Variants in ABLIM3 observed in about 807,000 individuals in gnomAD.
ABLIM3 encodes actin binding LIM protein family member 3.
ABLIM3 carries 61 observed loss-of-function variants against 109.5 expected under a neutral mutation model. That is an observed-to-expected ratio of 0.56 (90% CI 0.45 to 0.69). ABLIM3 has a LOEUF of 0.69. Among genes scored for constraint, ABLIM3 ranks in the 30% least tolerant of loss-of-function variants. The pLI is 0.00. For synonymous variants in ABLIM3, 300 were observed against 324.8 expected, an observed-to-expected ratio of 0.92 and a Z score of 0.82; for missense variants, 796 against 889.5, an observed-to-expected ratio of 0.89 and a Z score of 1.34.
chr5:149,223,198 A>G (rs1760836310), intron 8 of ABLIM3, among the ~76,000 whole-genome samples: 1 of 152,048 alleles, frequency 6.6e-6, no homozygotes, highest in South Asian at 2.1e-4. Flanking sequence ...GTAGTAGCTT[A>G]AGGTTTGTAT....
At chr5:149,192,632 A>C (rs1262570843) in intron 3 of ABLIM3, among the ~76,000 whole-genome samples, 1 of 146,120 alleles carries the variant, frequency 6.8e-6, no homozygotes, top group African/African-American at 2.5e-5. Flanking sequence ...CTCAAAAAAA[A>C]AAAAGAAAAA....
chr5:149,141,846 G>C (rs538631910), intron 1 of ABLIM3, 163 bp from the exon 2 acceptor site: 5 of 566,784 alleles, frequency 8.8e-6, no homozygotes, highest in Non-Finnish European at 1.6e-5. Context: ...GAGGACCGGG[G>C]CGCCGGTGTC....
intron 22 of ABLIM3, chr5:149,252,478 C>G (rs977086315): frequency 7.3e-6 from 4 of 550,730 alleles, no homozygotes; most frequent in Admixed American, 3.3e-5. Flanking sequence ...TAGACACTTA[C>G]ATTCGGGAGG....
chr5:149,172,254 GAAAAT>G (rs1422136256), intron 2 of ABLIM3, among the ~76,000 whole-genome samples: 2 of 152,104 alleles, frequency 1.3e-5, no homozygotes, highest in East Asian at 3.8e-4. Flanking sequence ...AATAAAAAAA[GAAAAT>G]AAAATATCAG....
chr5:149,249,512 G>A (rs1753729457), intron 18 of ABLIM3, among the ~76,000 whole-genome samples: 1 of 152,216 alleles, frequency 6.6e-6, no homozygotes, highest in Non-Finnish European at 1.5e-5. Context: ...CCTGGCTGCG[G>A]GGTCTGTGCA....
intron 15 of ABLIM3, chr5:149,244,349 G>A (rs564714580): frequency 1.2e-3 from 192 of 156,712 alleles, no homozygotes; most frequent in Middle Eastern, 6.7e-3. Flanking sequence ...GCTGGGACCA[G>A]AACCCAGGTT....
intron 2 of ABLIM3, among the ~76,000 whole-genome samples, chr5:149,179,190 G>A (rs1756241579): frequency 6.6e-6 from 1 of 152,106 alleles, no homozygotes; most frequent in Admixed American, 6.6e-5. Context: ...ATTTAGTTGT[G>A]GAATTAAGAT....
rs1752500106 is a variant in ABLIM3 at position 149,142,021 on chromosome 5, G to T, written c.-75G>T. 11 of 1,611,664 alleles carry T rather than the reference G, an allele frequency of 6.8e-6. No homozygotes were observed. The highest frequency in any genetic ancestry group is 1.3e-5 in the African/African-American group (1 of 75,000). ...TTTCACCCCCCAGGTGATGAGTGAG[G>T]TTCGAAGAACGGAAGATTTAAAAAG... On this transcript the variant is annotated 5_prime_UTR_variant, in exon 2 of 24. Transcript: ENST00000309868.
chr5:149,250,394 G>T (rs1753804023), intron 19 of ABLIM3, 53 bp from the exon 20 acceptor site: 4 of 1,585,656 alleles, frequency 2.5e-6, no homozygotes, highest in Admixed American at 3.3e-5. Context: ...ACCTCAGGGA[G>T]AGGGACTCAT....
At chr5:149,197,930 C>T (rs535040120) in intron 3 of ABLIM3, among the ~76,000 whole-genome samples, 2 of 152,216 alleles carry the variant, frequency 1.3e-5, no homozygotes, top group South Asian at 4.2e-4. Context: ...TGATTCAGGC[C>T]CGGGCATCTG....
chr5:149,169,085 A>ATC (rs1755110550), intron 2 of ABLIM3, among the ~76,000 whole-genome samples: 1 of 132,278 alleles, frequency 7.6e-6, no homozygotes, highest in Admixed American at 7.9e-5. Flanking sequence ...TTGCTGTAGG[A>ATC]CCCCCCCACC....
chr5:149,234,028 A>G (rs1187840028), intron 10 of ABLIM3, among the ~76,000 whole-genome samples: 3 of 152,230 alleles, frequency 2.0e-5, no homozygotes, highest in Non-Finnish European at 4.4e-5. Flanking sequence ...CTCTGGGGAA[A>G]TGGTGATGAA....
At chr5:149,169,439 C>T (rs1411903684) in intron 2 of ABLIM3, among the ~76,000 whole-genome samples, 1 of 152,092 alleles carries the variant, frequency 6.6e-6, no homozygotes, top group Admixed American at 6.5e-5. Flanking sequence ...CCAGGACCCT[C>T]TCCCACACCA....
At chr5:149,217,426 C>A in intron 8 of ABLIM3, 1 of 221,770 alleles carries the variant, frequency 4.5e-6, no homozygotes, top group Non-Finnish European at 9.1e-6. Context: ...GCATCACAGC[C>A]TCTACTCTAC....
At chr5:149,256,885 A>G (rs1754477617) in intron 23 of ABLIM3, among the ~76,000 whole-genome samples, 1 of 152,330 alleles carries the variant, frequency 6.6e-6, no homozygotes, top group African/African-American at 2.4e-5. Context: ...GGGGTTGACC[A>G]AGAGGGGCAG....
intron 3 of ABLIM3, among the ~76,000 whole-genome samples, chr5:149,189,186 C>T (rs1218269753): frequency 6.6e-6 from 1 of 152,096 alleles, no homozygotes; most frequent in East Asian, 1.9e-4. Context: ...TCTTTCTTTA[C>T]ACATACATAA....
intron 2 of ABLIM3, among the ~76,000 whole-genome samples, chr5:149,155,280 C>G (rs1022476046): frequency 6.6e-6 from 1 of 152,132 alleles, no homozygotes; most frequent in Non-Finnish European, 1.5e-5. Flanking sequence ...GATGCCCCAG[C>G]ACTATTCACT....
At chr5:149,165,484 C>T (rs1754738142) in intron 2 of ABLIM3, among the ~76,000 whole-genome samples, 1 of 152,148 alleles carries the variant, frequency 6.6e-6, no homozygotes, top group Admixed American at 6.5e-5. Flanking sequence ...CTCTTTAAGA[C>T]TTTGTATTAG....
Position 149,225,982 on chromosome 5 carries a change from G to GTATA in ABLIM3, c.758-4625_758-4622dup, listed in dbSNP as rs58844908. The stretch of plus-strand genomic sequence containing the variant: ...TATGTGTGTGTGTGTGTGTGTGTGT[G>GTATA]TATATATATATATATATATATATAT... On this transcript the variant is annotated intron_variant, in intron 8 of 23. Transcript: ENST00000309868. Among the ~76,000 whole-genome samples the GTATA allele has an allele frequency of 6.3e-3, 287 of 45,436 alleles. 2 individuals are homozygous for GTATA. Among genetic ancestry groups the GTATA allele is most frequent in the Middle Eastern group, 0.014 (1 of 72 alleles). 29.8% of individuals were successfully genotyped at this position (45,436 alleles called of 152,430 possible).
Sources: gnomAD v4.1 joint callset for allele counts (sites outside exome capture counted in the v4.1 genomes callset) on GRCh38, gnomAD v4.1.1 for gene constraint, MANE v1.5 for transcripts, NCBI Gene and HGNC (gene_info 2026-07-23, HGNC 2026-07-21) for gene names.